SEMA5A: variants seen among roughly 807,000 people sequenced by gnomAD.
SEMA5A encodes semaphorin-5A.
A neutral mutation model predicts 135.5 loss-of-function variants in SEMA5A; 55 were observed. The observed-to-expected ratio is 0.41, with a 90% CI of 0.33 to 0.51. The LOEUF is 0.51. SEMA5A is among the 20% of genes least tolerant of loss of function. The pLI is 0.37. For missense variants in SEMA5A, 1,290 were observed against 1,419.9 expected (o/e 0.91, Z 1.47); for synonymous variants, 580 against 546.5 (o/e 1.06, Z -0.85).
chr5:9,520,555 T>C (rs903193688), intron 1 of SEMA5A, among the ~76,000 whole-genome samples: 4 of 152,118 alleles, frequency 2.6e-5, no homozygotes, highest in East Asian at 1.9e-4. Flanking sequence ...TCTGGGCCTA[T>C]TGAAGATAGG....
intron 21 of SEMA5A, among the ~76,000 whole-genome samples, chr5:9,048,011 C>A (rs1319014939): frequency 6.6e-6 from 1 of 152,096 alleles, no homozygotes; most frequent in Admixed American, 6.5e-5. Flanking sequence ...GCACAAATAC[C>A]TAGCCAGCTC....
chr5:9,162,599 C>G (rs1214255550), intron 11 of SEMA5A, among the ~76,000 whole-genome samples: 2 of 121,816 alleles, frequency 1.6e-5, no homozygotes, highest in East Asian at 5.2e-4. Context: ...CACACACACA[C>G]AAACCATCTT....
At chr5:9,147,336 G>A (rs1742392793) in intron 12 of SEMA5A, among the ~76,000 whole-genome samples, 1 of 151,834 alleles carries the variant, frequency 6.6e-6, no homozygotes, top group African/African-American at 2.4e-5. Context: ...CTGTCACCCA[G>A]GCTGGAGTGT....
intron 12 of SEMA5A, among the ~76,000 whole-genome samples, chr5:9,149,702 C>G (rs1742528636): frequency 6.6e-6 from 1 of 152,158 alleles, no homozygotes; most frequent in South Asian, 2.1e-4. Flanking sequence ...ATCACCACAC[C>G]TCTAAGCTGT....
chr5:9,486,113 G>A (rs576427294), intron 1 of SEMA5A, among the ~76,000 whole-genome samples: 30 of 152,088 alleles, frequency 2.0e-4, no homozygotes, highest in South Asian at 8.3e-4. Context: ...AGATCATGTC[G>A]TCTTCAGGGA....
At chr5:9,171,138 G>A (rs1165141969) in intron 11 of SEMA5A, among the ~76,000 whole-genome samples, 1 of 152,134 alleles carries the variant, frequency 6.6e-6, no homozygotes, top group African/African-American at 2.4e-5. Flanking sequence ...GTGAACACAG[G>A]TCCTCCCATA....
rs539332376 is a variant in SEMA5A at position 9,399,729 on chromosome 5, G to A, written c.-77-19706C>T. On this transcript the variant is annotated intron_variant, in intron 2 of 22. Transcript: ENST00000382496. Reference sequence around the variant, plus strand: ...AGCTGGTGATAGAGAAAGAAGATTAGGGTGTGGCTGATGACGGAAAGGGGC... The same window carrying A: ...AGCTGGTGATAGAGAAAGAAGATTAAGGTGTGGCTGATGACGGAAAGGGGC... Among the ~76,000 whole-genome samples the A allele has an allele frequency of 3.9e-5, 6 of 152,258 alleles. No homozygotes were observed. The South Asian group carries it at 1.0e-3, about 26-fold the overall frequency.
intron 5 of SEMA5A, among the ~76,000 whole-genome samples, chr5:9,310,760 T>C (rs1315562560): frequency 1.3e-5 from 2 of 149,670 alleles, no homozygotes; most frequent in Non-Finnish European, 3.0e-5. Flanking sequence ...CCCAGCAGCT[T>C]CTTTAGAACT....
At chr5:9,370,056 C>G (rs1289606969) in intron 3 of SEMA5A, among the ~76,000 whole-genome samples, 2 of 152,174 alleles carry the variant, frequency 1.3e-5, no homozygotes, top group Non-Finnish European at 2.9e-5. Context: ...GTAACTAAAA[C>G]AATTTCTGGC....
chr5:9,056,213 T>C (rs1364911427), intron 18 of SEMA5A, among the ~76,000 whole-genome samples: 1 of 152,200 alleles, frequency 6.6e-6, no homozygotes, highest in Non-Finnish European at 1.5e-5. Flanking sequence ...GGCCGACAAG[T>C]GTGTGAAAAG....
At chr5:9,353,972 T>C (rs1754329224) in intron 3 of SEMA5A, among the ~76,000 whole-genome samples, 1 of 137,476 alleles carries the variant, frequency 7.3e-6, no homozygotes, top group South Asian at 2.4e-4. Flanking sequence ...AAAGCACGTG[T>C]TAAAAAAAAA....
At chr5:9,376,408 T>C (rs1459831601) in intron 3 of SEMA5A, among the ~76,000 whole-genome samples, 2 of 152,162 alleles carry the variant, frequency 1.3e-5, no homozygotes, top group Non-Finnish European at 2.9e-5. Context: ...GTAAACACCT[T>C]CTAACAATCA....
chr5:9,292,372 C>T (rs1487873814), intron 5 of SEMA5A, among the ~76,000 whole-genome samples: 1 of 152,154 alleles, frequency 6.6e-6, no homozygotes, highest in Admixed American at 6.5e-5. Context: ...GAAAACATTA[C>T]TATTATTCCT....
intron 8 of SEMA5A, among the ~76,000 whole-genome samples, chr5:9,207,896 G>GATAGATAGATAC (rs1554003536): frequency 4.0e-5 from 1 of 25,266 alleles, no homozygotes; most frequent in Non-Finnish European, 8.3e-5. Context: ...TAGATAGATA[G>GATAGATAGATAC]ATACATAGAT....
intron 11 of SEMA5A, among the ~76,000 whole-genome samples, chr5:9,177,427 G>T (rs988687883): frequency 6.6e-6 from 1 of 152,180 alleles, no homozygotes; most frequent in Non-Finnish European, 1.5e-5. Context: ...ATATGCCTGA[G>T]GTTCTATGAG....
intron 2 of SEMA5A, among the ~76,000 whole-genome samples, chr5:9,398,681 G>T (rs929876707): frequency 1.3e-5 from 2 of 152,130 alleles, no homozygotes; most frequent in Admixed American, 6.5e-5. Flanking sequence ...TACCAAATTT[G>T]CCCACAAAAA....
chr5:9,345,607 A>G (rs950410223), intron 3 of SEMA5A, among the ~76,000 whole-genome samples: 1 of 152,138 alleles, frequency 6.6e-6, no homozygotes, highest in African/African-American at 2.4e-5. Flanking sequence ...AGTATTTTAA[A>G]TGACCAAAAT....
chr5:9,388,295 C>T (rs1755984256), intron 2 of SEMA5A, among the ~76,000 whole-genome samples: 2 of 152,078 alleles, frequency 1.3e-5, no homozygotes, highest in Non-Finnish European at 2.9e-5. Context: ...TCTTCTTCCC[C>T]TTGTTTAGCT....
chr5:9,416,570 G>A (rs2126618945), intron 2 of SEMA5A, among the ~76,000 whole-genome samples: 1 of 152,308 alleles, frequency 6.6e-6, no homozygotes, highest in Middle Eastern at 3.4e-3. Flanking sequence ...GGTCAGGAAT[G>A]TTGTCAAAGG....
Sources: gnomAD v4.1 joint callset for allele counts (sites outside exome capture counted in the v4.1 genomes callset) on GRCh38, gnomAD v4.1.1 for gene constraint, MANE v1.5 for transcripts, NCBI Gene and HGNC (gene_info 2026-07-23, HGNC 2026-07-21) for gene names.